MYBL1: variants seen among roughly 807,000 people sequenced by gnomAD.
MYBL1 encodes myb-related protein A.
In MYBL1, 17 loss-of-function variants were observed where a neutral mutation model predicts 96.3. The observed-to-expected ratio is 0.18, with a 90% CI of 0.12 to 0.26. The LOEUF (loss-of-function observed/expected upper bound fraction) is 0.26, where lower values mean the gene tolerates loss of function less well. MYBL1 is among the 10% of genes least tolerant of loss of function. The pLI, the probability that MYBL1 is intolerant of heterozygous loss-of-function variation, is 1.00. For missense variants in MYBL1, 701 were observed against 882.9 expected, an observed-to-expected ratio of 0.79 and a Z score of 2.61; for synonymous variants, 282 against 292.7, an observed-to-expected ratio of 0.96 and a Z score of 0.37.
chr8:66,562,722 A>G lies in MYBL1; in HGVS notation c.*1975T>C, dbSNP rs1213506113. On this transcript the variant is annotated 3_prime_UTR_variant, in exon 16 of 16. Coordinates refer to ENST00000522677, the MANE Select transcript of MYBL1 (RefSeq NM_001080416.4). ...AAAACCATTATGTGCTATTAGTTCA[A>G]GGTAACTGAAATGATCCAGTATGAG... 6.6e-6 allele frequency: 1 copy of G among 152,512 alleles called. No homozygotes were observed. The highest frequency in any genetic ancestry group is 2.4e-5 in the African/African-American group (1 of 41,422). 9.4% of individuals were successfully genotyped at this position (152,512 alleles called of 1,614,324 possible).
chr8:66,592,306 T>C lies in MYBL1; in HGVS notation c.867+134A>G, dbSNP rs910989802. ...AAACAGGCAACCTCAAAGTTGCAAATTAAAAAAAAACAAAACTATTTTTAC... is the reference window on the plus strand; with the variant it reads ...AAACAGGCAACCTCAAAGTTGCAAACTAAAAAAAAACAAAACTATTTTTAC... On this transcript the variant is annotated intron_variant, in intron 8 of 15. Transcript: ENST00000522677. 1.1e-5 allele frequency: 7 copies of C among 648,384 alleles called. No individual in the cohort carries two copies. In the African/African-American group the frequency reaches 1.3e-4, roughly 12 times the overall value. The allele number at this position is 648,384 out of a possible 1,614,324, so 40.2% of individuals were successfully genotyped here.
At chr8:66,572,384 T>C (rs1808771046) in intron 12 of MYBL1, 98 bp downstream of exon 12, 2 of 578,888 alleles carry the variant, frequency 3.5e-6, no homozygotes, top group Admixed American at 3.0e-5. Context: ...TTTCAGTAAA[T>C]ATCTTTTTTT....
chr8:66,590,411 G>A (rs1191727857), intron 8 of MYBL1, among the ~76,000 whole-genome samples: 1 of 152,068 alleles, frequency 6.6e-6, no homozygotes, highest in Non-Finnish European at 1.5e-5. Flanking sequence ...TTGAGGTTAG[G>A]TGTTCAAGAC....
At chr8:66,571,282 C>T (rs1026516275) in intron 12 of MYBL1, among the ~76,000 whole-genome samples, 3 of 152,152 alleles carry the variant, frequency 2.0e-5, no homozygotes, top group African/African-American at 4.8e-5. Context: ...TCGTGAACTA[C>T]TACCACAAAT....
At chr8:66,582,665 C>A (rs1809262246) in intron 8 of MYBL1, among the ~76,000 whole-genome samples, 1 of 147,970 alleles carries the variant, frequency 6.8e-6, no homozygotes, top group South Asian at 2.1e-4. Context: ...TTACAGAGAG[C>A]CAAGATCACA....
rs1333156578 is a variant in MYBL1 at position 66,564,700 on chromosome 8, C to A, written c.2256G>T (p.Leu752=). 6.4e-7 allele frequency: 1 copy of A among 1,573,656 alleles called. No homozygotes were observed. The highest frequency in any genetic ancestry group is 8.6e-7 in the Non-Finnish European group (1 of 1,156,482). The change falls in exon 16 of 16, where the codon CTG becomes CTT. Residue 752 remains leucine (L), a synonymous_variant. Coordinates refer to ENST00000522677, the MANE Select transcript of MYBL1 (RefSeq NM_001080416.4). ...ATSSTSRALI[L] ...ATTTCATCAATTTTAATAACAATTA[C>A]AGTATGAGAGCTCTTGAAGTACTAC...
intron 8 of MYBL1, among the ~76,000 whole-genome samples, chr8:66,588,190 G>GAA (rs774358775): frequency 6.7e-6 from 1 of 149,984 alleles, no homozygotes; most frequent in Non-Finnish European, 1.5e-5. Flanking sequence ...ATGCAGGTGA[G>GAA]AAAAAGATCC....
rs777726165 is a variant in MYBL1, at chr8:66,612,871, G to A, written c.-33C>T. 4 of 1,345,546 alleles carry A rather than the reference G, an allele frequency of 3.0e-6. No homozygotes were observed. In the South Asian group the frequency reaches 6.9e-5, roughly 23 times the overall value. The allele number at this position is 1,345,546 out of a possible 1,614,324, so 83.4% of individuals were successfully genotyped here. On this transcript the variant is annotated 5_prime_UTR_variant, in exon 1 of 16. Transcript: ENST00000522677. Reference sequence around the variant, plus strand: ...GTACCGCATAGGAGCAGGCTGGGCGGGGACGCGGGTCAGCCTCCTCCAGCC... The same window carrying A: ...GTACCGCATAGGAGCAGGCTGGGCGAGGACGCGGGTCAGCCTCCTCCAGCC...
chr8:66,610,776 T>C (rs1810498094), intron 1 of MYBL1, among the ~76,000 whole-genome samples: 2 of 152,104 alleles, frequency 1.3e-5, no homozygotes, highest in African/African-American at 4.8e-5. Context: ...TAATTCAGAG[T>C]ATGAAACACA....
chr8:66,585,539 G>T (rs1409585279), intron 8 of MYBL1, among the ~76,000 whole-genome samples: 2 of 152,046 alleles, frequency 1.3e-5, no homozygotes, highest in East Asian at 3.9e-4. Context: ...TCAGGAGTTC[G>T]AGACCAGCCT....
chr8:66,570,619 C>T (rs1488562574), intron 12 of MYBL1, among the ~76,000 whole-genome samples: 2 of 152,260 alleles, frequency 1.3e-5, no homozygotes, highest in African/African-American at 4.8e-5. Context: ...AACATTCTTT[C>T]CATCCCTAAA....
chr8:66,571,937 GC>G (rs886626404), intron 12 of MYBL1, among the ~76,000 whole-genome samples: 18 of 151,532 alleles, frequency 1.2e-4, no homozygotes, highest in African/African-American at 4.1e-4. Context: ...TTCTCTAGAT[GC>G]TATAAAGTTA....
intron 9 of MYBL1, among the ~76,000 whole-genome samples, chr8:66,577,958 T>C (rs1033183217): frequency 6.6e-6 from 1 of 152,104 alleles, no homozygotes; most frequent in African/African-American, 2.4e-5. Flanking sequence ...TTGACAAACA[T>C]GAGAAAAACA....
At chr8:66,607,500 T>C (rs1383096196) in intron 1 of MYBL1, among the ~76,000 whole-genome samples, 1 of 152,102 alleles carries the variant, frequency 6.6e-6, no homozygotes, top group East Asian at 1.9e-4. Flanking sequence ...TAATGAACAA[T>C]CTTCCCTAAT....
Position 66,572,573 on chromosome 8 carries a change from C to G in MYBL1, c.1637G>C (p.Arg546Thr). Residue 546 changes from arginine to threonine, a missense_variant, in exon 12 of 16, where the codon AGA becomes ACA. This residue lies in a region of MYBL1 where 63 missense variants were observed against 109.2 expected (regional missense o/e 0.58). Transcript: ENST00000522677. ...TCTTGGTGTGGTACCCAGTATAGAT[C>G]TTCTAATAGTAGGTGTTCTAAACCT... is the stretch of plus-strand genomic sequence containing the variant. The part of the protein sequence containing the change: ...NVGFRTPTIR[R>T]SILGTTPRTP... 6.3e-7 allele frequency: 1 copy of G among 1,578,504 alleles called. No individual in the cohort carries two copies. The highest frequency in any genetic ancestry group is 8.7e-7 in the Non-Finnish European group (1 of 1,153,986).
intron 1 of MYBL1, among the ~76,000 whole-genome samples, chr8:66,604,274 G>C (rs1810220375): frequency 6.6e-6 from 1 of 152,154 alleles, no homozygotes; most frequent in South Asian, 2.1e-4. Context: ...TGTAATCCCA[G>C]CACTTTGGGA....
intron 8 of MYBL1, 95 bp from the exon 9 acceptor site, chr8:66,580,461 T>G: frequency 1.3e-6 from 1 of 771,232 alleles, no homozygotes; most frequent in Non-Finnish European, 2.0e-6. Flanking sequence ...AAAAACATAG[T>G]AGCAAATATT....
At chr8:66,578,996 T>C (rs1179977641) in intron 9 of MYBL1, among the ~76,000 whole-genome samples, 2 of 152,032 alleles carry the variant, frequency 1.3e-5, no homozygotes, top group South Asian at 2.1e-4. Context: ...AACCAAACAC[T>C]GCATGTTCTC....
chr8:66,572,338 A>G (rs1808768780), intron 12 of MYBL1, 144 bp downstream of exon 12: 3 of 525,080 alleles, frequency 5.7e-6, no homozygotes, highest in Non-Finnish European at 6.5e-6. Context: ...AACAAAAAAA[A>G]AACCTTGAAA....
Sources: allele counts gnomAD v4.1 joint callset (sites outside exome capture counted in the v4.1 genomes callset), GRCh38; gene constraint gnomAD v4.1.1; regional missense constraint gnomAD v4.1.1; transcripts MANE v1.5; gene names NCBI Gene and HGNC (gene_info 2026-07-23, HGNC 2026-07-21).